The following EPG5 variants were observed in gnomAD, a reference collection of about 807,000 sequenced individuals.
The protein encoded by EPG5 is ectopic P-granules 5 autophagy tethering factor.
A neutral mutation model predicts 302.7 loss-of-function variants in EPG5; 159 were observed. The ratio of observed to expected loss-of-function variants is 0.53; its 90% CI spans 0.46 to 0.60. The LOEUF (loss-of-function observed/expected upper bound fraction) is 0.60, where lower values mean the gene tolerates loss of function less well. Among genes scored for constraint, EPG5 ranks in the 20% least tolerant of loss-of-function variants. The pLI, the probability that EPG5 is intolerant of heterozygous loss-of-function variation, is 0.00. For synonymous variants in EPG5, 1,158 were observed against 1,136.8 expected, an observed-to-expected ratio of 1.02 and a Z score of -0.37; for missense variants, 2,896 against 3,092.4, an observed-to-expected ratio of 0.94 and a Z score of 1.51.
chr18:45,862,324 C>T (rs1460180578), intron 39 of EPG5, among the ~76,000 whole-genome samples: 1 of 151,830 alleles, frequency 6.6e-6, no homozygotes, highest in African/African-American at 2.4e-5. Flanking sequence ...GTAATTTTGC[C>T]GTCTTTTTAA....
chr18:45,874,556 G>T (rs538113418), intron 35 of EPG5, among the ~76,000 whole-genome samples: 12 of 152,244 alleles, frequency 7.9e-5, no homozygotes, highest in South Asian at 2.1e-4. Flanking sequence ...ATGGCAGCAG[G>T]CAAGAGAGAG....
At chr18:45,838,523 C>A in the EPG5 span, 3 of 755,366 alleles carry the variant, frequency 4.0e-6, no homozygotes, top group Non-Finnish European at 6.0e-6. Flanking sequence ...ATGATCCTCA[C>A]TTTACACATG....
chr18:45,837,917 G>C, the EPG5 span: 5 of 1,471,722 alleles, frequency 3.4e-6, no homozygotes, highest in Non-Finnish European at 4.5e-6. Flanking sequence ...GTGGGAGCGG[G>C]TCCCCGGCCT....
At chr18:45,862,620 C>G (rs1241761348) in intron 39 of EPG5, among the ~76,000 whole-genome samples, 1 of 152,144 alleles carries the variant, frequency 6.6e-6, no homozygotes, top group Non-Finnish European at 1.5e-5. Context: ...CTTGCTCATT[C>G]TCTCTCTTGC....
At chr18:45,839,954 G>C in the EPG5 span, among the ~76,000 whole-genome samples, 1 of 152,088 alleles carries the variant, frequency 6.6e-6, no homozygotes, top group African/African-American at 2.4e-5. Flanking sequence ...CCCGTTTCTT[G>C]GAACTCATCA....
the EPG5 span, among the ~76,000 whole-genome samples, chr18:45,804,387 C>A: frequency 6.6e-6 from 1 of 152,082 alleles, no homozygotes; most frequent in Admixed American, 6.6e-5. Context: ...GCCAAAAAGT[C>A]CCCAAATTTG....
chr18:45,954,540 G>T lies in EPG5; in HGVS notation c.862C>A (p.His288Asn), dbSNP rs1227636418. The change falls in exon 2 of 44, where the codon CAT becomes AAT. Residue 288 changes from histidine to asparagine, a missense_variant. Coordinates refer to ENST00000282041, the MANE Select transcript of EPG5 (RefSeq NM_020964.3). ...TTCAAAAGCAACTCATAAAATTCAT[G>T]CCTGTCTTGATGAGCCATGCTGTCA... is the stretch of plus-strand genomic sequence containing the variant. ...EFDSMAHQDR[H>N]EFYELLLNYS... 1.9e-6 allele frequency: 3 copies of T among 1,614,090 alleles called. No individual in the cohort carries two copies. The African/African-American group carries it at 4.0e-5, about 22-fold the overall frequency.
intron 25 of EPG5, among the ~76,000 whole-genome samples, chr18:45,901,885 CT>C (rs1360787812): frequency 6.6e-6 from 1 of 152,118 alleles, no homozygotes; most frequent in African/African-American, 2.4e-5. Flanking sequence ...TACTTCTAGA[CT>C]TAGTACAGAG....
intron 21 of EPG5, among the ~76,000 whole-genome samples, 178 bp downstream of exon 21, chr18:45,913,524 TAAAC>T (rs1348964766): frequency 6.6e-6 from 1 of 152,212 alleles, no homozygotes; most frequent in Non-Finnish European, 1.5e-5. Context: ...AGACTCTTGT[TAAAC>T]AAACCTTGAG....
chr18:45,929,060 G>A, intron 12 of EPG5, 51 bp from the exon 13 acceptor site: 1 of 1,539,234 alleles, frequency 6.5e-7, no homozygotes, highest in Non-Finnish European at 8.9e-7. Flanking sequence ...TCAATTAGCA[G>A]TCAAAACACA....
the EPG5 span, among the ~76,000 whole-genome samples, chr18:45,830,887 C>T: frequency 3.9e-5 from 6 of 152,028 alleles, no homozygotes; most frequent in South Asian, 8.3e-4. Context: ...CGTGAGCCAC[C>T]GCGCTTGGCC....
At chr18:45,833,459 A>G in the EPG5 span, among the ~76,000 whole-genome samples, 2 of 151,996 alleles carry the variant, frequency 1.3e-5, no homozygotes, top group Non-Finnish European at 2.9e-5. Flanking sequence ...ATTACAGGGG[A>G]CCATCACCAT....
intron 41 of EPG5, 132 bp downstream of exon 41, chr18:45,858,434 C>T (rs2048562550): frequency 1.5e-6 from 1 of 687,018 alleles, no homozygotes; most frequent in Non-Finnish European, 2.5e-6. Flanking sequence ...TCCAAAACAA[C>T]TGTCACCATA....
At chr18:45,903,934 A>T (rs2049685072) in intron 25 of EPG5, 39 bp downstream of exon 25, 1 of 1,574,370 alleles carries the variant, frequency 6.4e-7, no homozygotes, top group Non-Finnish European at 8.6e-7. Flanking sequence ...TCAATCATTC[A>T]TTCACTCATT....
chr18:45,963,269 C>T (rs1210039460), intron 1 of EPG5, among the ~76,000 whole-genome samples: 2 of 152,164 alleles, frequency 1.3e-5, no homozygotes, highest in African/African-American at 4.8e-5. Flanking sequence ...TACTGTTTAG[C>T]TGACACCTCA....
At chr18:45,950,490 C>T (rs1460378214) in intron 4 of EPG5, among the ~76,000 whole-genome samples, 2 of 152,182 alleles carry the variant, frequency 1.3e-5, no homozygotes, top group Admixed American at 6.5e-5. Flanking sequence ...CCACCATGTA[C>T]GAAGTGCCTT....
At chr18:45,889,291 G>A (rs536510891) in intron 28 of EPG5, among the ~76,000 whole-genome samples, 6 of 152,292 alleles carry the variant, frequency 3.9e-5, no homozygotes, top group Admixed American at 6.5e-5. Context: ...AAAAGAAAAC[G>A]ATGGTCAAAT....
At chr18:45,916,254 C>T in intron 18 of EPG5, 48 bp from the exon 19 acceptor site, 1 of 1,561,166 alleles carries the variant, frequency 6.4e-7, no homozygotes, top group South Asian at 1.2e-5. Context: ...ACCAGCCTCT[C>T]ATTTTTTAAA....
the EPG5 span, among the ~76,000 whole-genome samples, chr18:45,832,477 AGGACGTGCCAGGCAC>A: frequency 6.6e-6 from 1 of 151,208 alleles, no homozygotes; most frequent in Non-Finnish European, 1.5e-5. Flanking sequence ...GAAGGAGCCT[AGGACGTGCCAGGCAC>A]AGATTGGGTG....
Sources: allele counts gnomAD v4.1 joint callset (sites outside exome capture counted in the v4.1 genomes callset), GRCh38; gene constraint gnomAD v4.1.1; transcripts MANE v1.5; gene names NCBI Gene and HGNC (gene_info 2026-07-23, HGNC 2026-07-21).